Variants in OVOL2 observed in about 807,000 individuals in gnomAD.
OVOL2 encodes the protein transcription factor Ovo-like 2.
In OVOL2, 13 loss-of-function variants were observed where a neutral mutation model predicts 18.1. The ratio of observed to expected loss-of-function variants is 0.72; its 90% CI spans 0.47 to 1.14. OVOL2 has a LOEUF of 1.14. OVOL2 is among the 50% of genes most tolerant of loss of function. OVOL2 has a pLI of 0.00. For synonymous variants in OVOL2, 166 were observed against 162.7 expected (o/e 1.02, Z -0.16); for missense variants, 335 against 383.0 (o/e 0.87, Z 1.05).
intron 3 of OVOL2, among the ~76,000 whole-genome samples, chr20:18,033,699 C>G (rs2036590668): frequency 2.0e-5 from 3 of 152,192 alleles, no homozygotes; most frequent in African/African-American, 7.2e-5. Context: ...GACTCTGGCA[C>G]TGCCGGTCCA....
At chr20:18,031,519 G>A (rs1019555122) in intron 3 of OVOL2, among the ~76,000 whole-genome samples, 6 of 152,196 alleles carry the variant, frequency 3.9e-5, no homozygotes, top group Non-Finnish European at 8.8e-5. Flanking sequence ...AGAGGTTGCA[G>A]TGAGCTGAGA....
intron 3 of OVOL2, among the ~76,000 whole-genome samples, chr20:18,040,224 T>G (rs1308102913): frequency 6.6e-6 from 1 of 152,142 alleles, no homozygotes; most frequent in African/African-American, 2.4e-5. Flanking sequence ...GCACCCAGCC[T>G]GCAGATAGTA....
intron 2 of OVOL2, among the ~76,000 whole-genome samples, chr20:18,043,026 C>T (rs13038726): frequency 0.18 from 27,120 of 152,070 alleles, 2,893 homozygotes; most frequent in Non-Finnish European, 0.24. Context: ...ACAGCATGGC[C>T]ATGGACTACC....
chr20:18,034,810 T>C (rs2036601232), intron 3 of OVOL2, among the ~76,000 whole-genome samples: 1 of 152,194 alleles, frequency 6.6e-6, no homozygotes, highest in Non-Finnish European at 1.5e-5. Context: ...TTTCTTTGTG[T>C]TTTGAGTCTT....
chr20:18,055,982 G>C (rs1036882360), intron 2 of OVOL2, among the ~76,000 whole-genome samples: 19 of 152,284 alleles, frequency 1.2e-4, no homozygotes, highest in Admixed American at 5.9e-4. Flanking sequence ...CCCGAGGCGC[G>C]ACCATAGATG....
intron 3 of OVOL2, among the ~76,000 whole-genome samples, chr20:18,030,920 C>A (rs569696761): frequency 6.6e-6 from 1 of 152,326 alleles, no homozygotes; most frequent in South Asian, 2.1e-4. Context: ...GGCTTGGGAA[C>A]AAGCACCTCC....
chr20:18,024,412 A>G lies in OVOL2; in HGVS notation c.*224T>C. On this transcript the variant is annotated 3_prime_UTR_variant, in exon 4 of 4. Transcript: ENST00000278780. ...AGGATCATGAAAACAAACTTTGGTG[A>G]ATGTGAGCAACTGCGCCAGACAGGA... 1 of 901,790 alleles carries G rather than the reference A, an allele frequency of 1.1e-6. No homozygotes were observed. The highest frequency in any genetic ancestry group is 3.6e-5 in the Admixed American group (1 of 28,014). 55.9% of individuals were successfully genotyped at this position (901,790 alleles called of 1,614,324 possible). A position where few individuals can be genotyped will look rare whatever the true frequency, so the allele number is the denominator to read the frequency against.
chr20:18,056,657 C>T lies in OVOL2; in HGVS notation c.321G>A (p.Lys107=). ...GGCGGGGGCAGAGTCGACACAGTACCTTGATTTTCGATCTGGCGACCGGGC... is the reference window on the plus strand; with the variant it reads ...GGCGGGGGCAGAGTCGACACAGTACTTTGATTTTCGATCTGGCGACCGGGC... ...KQRPVARSKI[K]FTTGTCSDSV... Residue 107 remains lysine (K), a splice_region_variant and synonymous_variant, in exon 2 of 4, where the codon AAG becomes AAA. Transcript: ENST00000278780. The surrounding 1 kb of genome is among the most constrained non-coding windows in gnomAD (Gnocchi z 4.2). 1 of 1,427,996 alleles carries T rather than the reference C, an allele frequency of 7.0e-7. No homozygotes were observed. The highest frequency in any genetic ancestry group is 9.1e-7 in the Non-Finnish European group (1 of 1,094,334). The allele number at this position is 1,427,996 out of a possible 1,614,324, so 88.5% of individuals were successfully genotyped here. A position where few individuals can be genotyped will look rare whatever the true frequency, so the allele number is the denominator to read the frequency against.
chr20:18,032,423 A>G (rs1048036049), intron 3 of OVOL2, among the ~76,000 whole-genome samples: 6 of 152,128 alleles, frequency 3.9e-5, no homozygotes, highest in African/African-American at 1.4e-4. Flanking sequence ...GAAATCTGCA[A>G]ATGGAAACAA....
intron 2 of OVOL2, among the ~76,000 whole-genome samples, chr20:18,049,481 C>T (rs930944253): frequency 1.3e-5 from 2 of 152,064 alleles, no homozygotes; most frequent in African/African-American, 4.8e-5. Context: ...AGATTTCCAC[C>T]GACACGGTGC....
At position 18,030,855 on chromosome 20, in the gene OVOL2, C is replaced by CATTTG. The variant is rs1282959753; in HGVS notation, c.512-5904_512-5903insCAAAT. ...GCTAGTGTAAACGCCACCATTCACC[C>CATTTG]CTCATTCACTGGTGCGGGCACTGCC... On this transcript the variant is annotated intron_variant, in intron 3 of 3. Coordinates refer to ENST00000278780, the MANE Select transcript of OVOL2 (RefSeq NM_021220.4). Among the ~76,000 whole-genome samples the CATTTG allele has an allele frequency of 2.4e-4, 37 of 152,344 alleles. 1 individual carries two copies. Among genetic ancestry groups the CATTTG allele is most frequent in the South Asian group, 8.3e-4 (4 of 4,830 alleles).
intron 3 of OVOL2, among the ~76,000 whole-genome samples, chr20:18,030,688 A>T (rs577525598): frequency 6.6e-6 from 1 of 152,330 alleles, no homozygotes; most frequent in South Asian, 2.1e-4. Context: ...GGGAGTGGGT[A>T]GAATTAGAGC....
At chr20:18,040,110 G>A (rs1237468790) in intron 3 of OVOL2, among the ~76,000 whole-genome samples, 2 of 152,062 alleles carry the variant, frequency 1.3e-5, no homozygotes, top group African/African-American at 2.4e-5. Context: ...TTTTCTTGGG[G>A]AGACAGTCTT....
At chr20:18,048,029 T>C (rs1433372339) in intron 2 of OVOL2, among the ~76,000 whole-genome samples, 1 of 151,906 alleles carries the variant, frequency 6.6e-6, no homozygotes, top group Admixed American at 6.6e-5. Flanking sequence ...GGCTCCTGCC[T>C]GTAATCCCAG....
chr20:18,032,930 A>G (rs2036584434), intron 3 of OVOL2, among the ~76,000 whole-genome samples: 2 of 152,194 alleles, frequency 1.3e-5, no homozygotes, highest in Admixed American at 6.5e-5. Context: ...TTTATCTCCT[A>G]ATGAACATAT....
chr20:18,056,855 G>A lies in OVOL2; in HGVS notation c.123C>T (p.His41=). The part of the protein sequence containing the change: ...YIPVGLGRLL[H]DPPEDCRSDG... ...CGCTGCGGCAGTCCTCGGGGGGGTC[G>A]TGGAGCAGGCGGCCTAGGCCCACTG... Residue 41 remains histidine (H), a synonymous_variant, in exon 2 of 4, where the codon CAC becomes CAT. Coordinates refer to ENST00000278780, the MANE Select transcript of OVOL2 (RefSeq NM_021220.4). This position sits in a 1 kb window ranked among gnomAD's most constrained non-coding sequence, Gnocchi z 4.2. 1 of 1,486,396 alleles carries A rather than the reference G, an allele frequency of 6.7e-7. No individual in the cohort carries two copies. Among genetic ancestry groups the A allele is most frequent in the Admixed American group, 2.3e-5 (1 of 43,818 alleles). 92.1% of individuals were successfully genotyped at this position (1,486,396 alleles called of 1,614,324 possible). A position where few individuals can be genotyped will look rare whatever the true frequency, so the allele number is the denominator to read the frequency against.
chr20:18,038,612 G>A (rs2036640873), intron 3 of OVOL2, among the ~76,000 whole-genome samples: 1 of 152,200 alleles, frequency 6.6e-6, no homozygotes, highest in South Asian at 2.1e-4. Flanking sequence ...GTTTACTCCA[G>A]CTGAAGGTAC....
chr20:18,045,300 A>C (rs947347701), intron 2 of OVOL2, among the ~76,000 whole-genome samples: 1 of 152,274 alleles, frequency 6.6e-6, no homozygotes. Flanking sequence ...CTAATGAAAT[A>C]GAACAAAGAC....
chr20:18,041,877 A>G (rs1050370036), intron 2 of OVOL2, among the ~76,000 whole-genome samples, 154 bp from the exon 3 acceptor site: 6 of 150,062 alleles, frequency 4.0e-5, no homozygotes, highest in Non-Finnish European at 7.4e-5. Context: ...GGAAAGGTGA[A>G]GTAACAACTG....
Sources: gnomAD v4.1 joint callset for allele counts (sites outside exome capture counted in the v4.1 genomes callset) on GRCh38, gnomAD v4.1.1 for gene constraint, Gnocchi (gnomAD v3.1) non-coding constraint, MANE v1.5 for transcripts, NCBI Gene and HGNC (gene_info 2026-07-23, HGNC 2026-07-21) for gene names.